Variants in CADM2 observed in about 807,000 individuals in gnomAD.
CADM2 encodes cell adhesion molecule 2.
CADM2 carries 12 observed loss-of-function variants against 49.8 expected under a neutral mutation model. That is an observed-to-expected ratio of 0.24 (90% CI 0.15 to 0.39). The LOEUF is 0.39. CADM2 is among the 10% of genes least tolerant of loss of function. CADM2 has a pLI of 1.00. For missense variants in CADM2, 378 were observed against 492.3 expected, an observed-to-expected ratio of 0.77 and a Z score of 2.20; for synonymous variants, 214 against 175.4, an observed-to-expected ratio of 1.22 and a Z score of -1.74.
chr3:85,322,724 TA>T (rs2044646778), intron 1 of CADM2, among the ~76,000 whole-genome samples: 1 of 152,200 alleles, frequency 6.6e-6, no homozygotes, highest in South Asian at 2.1e-4. Flanking sequence ...TGTCTTCAAA[TA>T]GAGCTTGTAA....
chr3:85,538,110 A>T, intron 1 of CADM2, among the ~76,000 whole-genome samples: 1 of 152,092 alleles, frequency 6.6e-6, no homozygotes, highest in East Asian at 1.9e-4. Flanking sequence ...TAATATTGCC[A>T]TTTTTGTCTA....
At chr3:85,990,542 A>G (rs1220152581) in intron 8 of CADM2, among the ~76,000 whole-genome samples, 3 of 152,214 alleles carry the variant, frequency 2.0e-5, no homozygotes, top group African/African-American at 7.2e-5. Context: ...AGGACGCATT[A>G]TGGAACTTGA....
At chr3:85,351,947 T>G (rs2031393168) in intron 1 of CADM2, among the ~76,000 whole-genome samples, 1 of 152,044 alleles carries the variant, frequency 6.6e-6, no homozygotes, top group Non-Finnish European at 1.5e-5. Flanking sequence ...ATAATATATA[T>G]TTCCACATGC....
At chr3:85,505,242 A>T (rs2107673719) in intron 1 of CADM2, among the ~76,000 whole-genome samples, 1 of 152,354 alleles carries the variant, frequency 6.6e-6, no homozygotes, top group South Asian at 2.1e-4. Flanking sequence ...ACCTCTCAAT[A>T]TCACAAGTGT....
chr3:85,643,907 T>A (rs1197541547), intron 1 of CADM2, among the ~76,000 whole-genome samples: 1 of 152,170 alleles, frequency 6.6e-6, no homozygotes, highest in Non-Finnish European at 1.5e-5. Flanking sequence ...AGGCTCCATT[T>A]CTAAATACAG....
At chr3:85,698,360 G>T (rs1461663433) in intron 1 of CADM2, among the ~76,000 whole-genome samples, 1 of 152,180 alleles carries the variant, frequency 6.6e-6, no homozygotes, top group Non-Finnish European at 1.5e-5. Context: ...CATAAGCAAG[G>T]TGGAAGCTAT....
At chr3:85,598,153 CT>C (rs2063297484) in intron 1 of CADM2, among the ~76,000 whole-genome samples, 1 of 151,800 alleles carries the variant, frequency 6.6e-6, no homozygotes, top group East Asian at 1.9e-4. Flanking sequence ...AGACATTGTG[CT>C]AACTAAAAAA....
rs552193797 is a variant in CADM2 at position 85,454,880 on chromosome 3, T to C, written c.62-271642T>C. Among the ~76,000 whole-genome samples the C allele has an allele frequency of 8.5e-5, 13 of 152,324 alleles. No homozygotes were observed. The East Asian group carries it at 2.5e-3, about 29-fold the overall frequency. ...CACAAATTCTGATATGTTCTGTAAA[T>C]GACAATTTCATGCTGTAGTTGAAAT... On this transcript the variant is annotated intron_variant, in intron 1 of 9. Coordinates refer to ENST00000383699, the MANE Select transcript of CADM2 (RefSeq NM_001167675.2).
At chr3:85,353,353 A>T (rs1436650325) in intron 1 of CADM2, among the ~76,000 whole-genome samples, 1 of 152,108 alleles carries the variant, frequency 6.6e-6, no homozygotes, top group Non-Finnish European at 1.5e-5. Context: ...AATAAAGATC[A>T]GTTGTATAAT....
chr3:85,307,638 G>A (rs1270297003), intron 1 of CADM2, among the ~76,000 whole-genome samples: 2 of 151,634 alleles, frequency 1.3e-5, no homozygotes, highest in Admixed American at 6.6e-5. Context: ...GCTTTGTGAT[G>A]TGAGAGAAAC....
At chr3:85,618,865 C>T (rs2063880335) in intron 1 of CADM2, among the ~76,000 whole-genome samples, 1 of 151,626 alleles carries the variant, frequency 6.6e-6, no homozygotes, top group Non-Finnish European at 1.5e-5. Context: ...AAATAATAAT[C>T]CAGGAATTTA....
chr3:85,593,557 T>C (rs2063165884), intron 1 of CADM2, among the ~76,000 whole-genome samples: 1 of 152,158 alleles, frequency 6.6e-6, no homozygotes, highest in South Asian at 2.1e-4. Context: ...TTGTTCCTAG[T>C]GATCTGCAAA....
At chr3:85,441,724 G>T (rs115402825) in intron 1 of CADM2, among the ~76,000 whole-genome samples, 1 of 151,852 alleles carries the variant, frequency 6.6e-6, no homozygotes, top group Non-Finnish European at 1.5e-5. Context: ...CACAGTGGTG[G>T]CAAAAAGATA....
At chr3:86,047,834 C>T (rs942625826) in intron 8 of CADM2, among the ~76,000 whole-genome samples, 2 of 152,104 alleles carry the variant, frequency 1.3e-5, no homozygotes, top group Admixed American at 1.3e-4. Flanking sequence ...GGGTCTTAGA[C>T]AACTTCTACA....
rs145418963 is a variant in CADM2 at position 85,374,883 on chromosome 3, A to T, written c.62-351639A>T. Reference sequence around the variant, plus strand: ...GACACATGGGGATTTGAGGAGCTACAGTTCAAGATGAGATTTGGGTGGGGA... The same window carrying T: ...GACACATGGGGATTTGAGGAGCTACTGTTCAAGATGAGATTTGGGTGGGGA... On this transcript the variant is annotated intron_variant, in intron 1 of 9. Coordinates refer to ENST00000383699, the MANE Select transcript of CADM2 (RefSeq NM_001167675.2). Among the ~76,000 whole-genome samples the T allele has an allele frequency of 6.6e-3, 1,007 of 152,254 alleles. 6 individuals are homozygous for T. The highest frequency in any genetic ancestry group is 0.022 in the African/African-American group (899 of 41,542).
chr3:85,970,783 A>G (rs1365234754), intron 8 of CADM2, among the ~76,000 whole-genome samples: 1 of 151,624 alleles, frequency 6.6e-6, no homozygotes, highest in East Asian at 2.0e-4. Flanking sequence ...ATGTTGGTTC[A>G]GGATTCTGGA....
At chr3:85,466,222 C>G (rs1254967730) in intron 1 of CADM2, among the ~76,000 whole-genome samples, 1 of 152,118 alleles carries the variant, frequency 6.6e-6, no homozygotes, top group East Asian at 1.9e-4. Flanking sequence ...TAGTTTAAAG[C>G]TGACAGCATA....
At chr3:85,177,985 A>G (rs2040829701) in intron 1 of CADM2, among the ~76,000 whole-genome samples, 1 of 152,014 alleles carries the variant, frequency 6.6e-6, no homozygotes, top group African/African-American at 2.4e-5. Context: ...AGCATGCAAT[A>G]TGATTCCTAG....
intron 1 of CADM2, among the ~76,000 whole-genome samples, chr3:85,026,570 A>G (rs2034737479): frequency 1.3e-5 from 2 of 152,288 alleles, no homozygotes; most frequent in African/African-American, 2.4e-5. Flanking sequence ...TTTTATGCCT[A>G]TGCTACCAAT....
Sources: gnomAD v4.1 joint callset for allele counts (sites outside exome capture counted in the v4.1 genomes callset) on GRCh38, gnomAD v4.1.1 for gene constraint, MANE v1.5 for transcripts, NCBI Gene and HGNC (gene_info 2026-07-23, HGNC 2026-07-21) for gene names.